Variants in ROBO2 observed in about 807,000 individuals in gnomAD.
ROBO2 encodes roundabout homolog 2.
A neutral mutation model predicts 160.8 loss-of-function variants in ROBO2; 53 were observed. The observed-to-expected ratio is 0.33, with a 90% CI of 0.26 to 0.41. ROBO2 has a LOEUF of 0.41. Among genes scored for constraint, ROBO2 ranks in the 10% least tolerant of loss-of-function variants. The pLI is 1.00. For missense variants in ROBO2, 1,577 were observed against 1,722.4 expected, an observed-to-expected ratio of 0.92 and a Z score of 1.49; for synonymous variants, 664 against 611.7, an observed-to-expected ratio of 1.09 and a Z score of -1.26.
intron 2 of ROBO2, among the ~76,000 whole-genome samples, chr3:76,805,978 T>C (rs993377335): frequency 6.6e-5 from 10 of 151,934 alleles, no homozygotes; most frequent in African/African-American, 2.4e-4. Context: ...CTTCTTCCTC[T>C]AGCTGTCTGT....
At chr3:76,841,193 T>C (rs961056183) in intron 2 of ROBO2, among the ~76,000 whole-genome samples, 5 of 152,172 alleles carry the variant, frequency 3.3e-5, no homozygotes, top group Non-Finnish European at 7.4e-5. Context: ...AGAACCCAGA[T>C]AGAAACAACT....
intron 2 of ROBO2, among the ~76,000 whole-genome samples, chr3:77,281,613 C>T (rs2060244779): frequency 6.6e-6 from 1 of 152,136 alleles, no homozygotes; most frequent in East Asian, 1.9e-4. Flanking sequence ...ATGCTCAAGT[C>T]TCTGATATAA....
intron 2 of ROBO2, among the ~76,000 whole-genome samples, chr3:76,221,684 A>G (rs1703977559): frequency 6.6e-6 from 1 of 152,184 alleles, no homozygotes. Flanking sequence ...ATTTTTATCA[A>G]GTTAGCTGCT....
intron 2 of ROBO2, among the ~76,000 whole-genome samples, chr3:76,837,015 A>G (rs1285695152): frequency 8.2e-6 from 1 of 121,360 alleles, no homozygotes; most frequent in African/African-American, 2.8e-5. Context: ...GAAATTGCAT[A>G]TTATATTATA....
chr3:76,901,893 T>G (rs1458442552), intron 2 of ROBO2, among the ~76,000 whole-genome samples: 1 of 152,028 alleles, frequency 6.6e-6, no homozygotes, highest in Non-Finnish European at 1.5e-5. Flanking sequence ...TTTTTCTTCC[T>G]GCTCCTTCCT....
At chr3:76,932,151 A>G (rs2077388117) in intron 2 of ROBO2, among the ~76,000 whole-genome samples, 5 of 152,214 alleles carry the variant, frequency 3.3e-5, no homozygotes, top group Admixed American at 3.3e-4. Context: ...AAAAAATAAG[A>G]ATTCTAGTAG....
intron 5 of ROBO2, among the ~76,000 whole-genome samples, chr3:77,497,591 A>T (rs1309188509): frequency 1.3e-5 from 2 of 152,240 alleles, no homozygotes; most frequent in South Asian, 4.1e-4. Context: ...GTAAAGAAGT[A>T]AATTGGAACA....
intron 2 of ROBO2, among the ~76,000 whole-genome samples, chr3:77,374,578 A>G (rs558691521): frequency 6.6e-6 from 1 of 152,200 alleles, no homozygotes; most frequent in Non-Finnish European, 1.5e-5. Flanking sequence ...ATTTAGGAAT[A>G]TGCTTCCTTA....
chr3:76,854,018 TTCTCTCTCTCTCTCTCTCTCTC>T (rs573633101), intron 2 of ROBO2, among the ~76,000 whole-genome samples: 24 of 117,266 alleles, frequency 2.0e-4, no homozygotes, highest in Middle Eastern at 5.4e-3. Context: ...AGCATAGACT[TTCTCTCTCTCTCTCTCTCTCTC>T]TCTCTCTCTC....
At chr3:76,830,981 C>T (rs924603020) in intron 2 of ROBO2, among the ~76,000 whole-genome samples, 4 of 152,012 alleles carry the variant, frequency 2.6e-5, no homozygotes, top group African/African-American at 9.7e-5. Flanking sequence ...CAGTGAGACC[C>T]TGTTGTTCAA....
intron 2 of ROBO2, among the ~76,000 whole-genome samples, chr3:76,301,067 T>C (rs1709331414): frequency 6.6e-6 from 1 of 152,098 alleles, no homozygotes; most frequent in Non-Finnish European, 1.5e-5. Flanking sequence ...GAAGAAAGTC[T>C]TGTGTTTAAT....
exon 22 of ROBO2, chr3:77,617,721 C>A (rs1178418726): frequency 1.9e-5 from 30 of 1,613,822 alleles, no homozygotes; most frequent in Non-Finnish European, 2.5e-5. Flanking sequence ...GCTGCAGGCT[C>A]ACCTGGATGA....
chr3:76,854,039 T>TCC (rs1452136566), intron 2 of ROBO2, among the ~76,000 whole-genome samples: 3 of 88,248 alleles, frequency 3.4e-5, no homozygotes, highest in African/African-American at 1.2e-4. Flanking sequence ...TCTCTCTCTC[T>TCC]CTCTCTCTCT....
intron 2 of ROBO2, among the ~76,000 whole-genome samples, chr3:76,005,867 A>G (rs2066007743): frequency 6.6e-6 from 1 of 152,222 alleles, no homozygotes; most frequent in Admixed American, 6.5e-5. Flanking sequence ...CACAACCAAA[A>G]ATAAGAAAGT....
chr3:77,055,671 G>T (rs927046530), intron 1 of ROBO2, among the ~76,000 whole-genome samples: 1 of 152,122 alleles, frequency 6.6e-6, no homozygotes, highest in Non-Finnish European at 1.5e-5. Flanking sequence ...ATTATAACTT[G>T]TGTGAAATAA....
At chr3:77,494,124 T>G (rs1388764639) in intron 5 of ROBO2, among the ~76,000 whole-genome samples, 1 of 152,212 alleles carries the variant, frequency 6.6e-6, no homozygotes, top group Non-Finnish European at 1.5e-5. Context: ...TTCAAGTGTT[T>G]TTTGTTGTTG....
intron 2 of ROBO2, among the ~76,000 whole-genome samples, chr3:76,049,275 A>G (rs890260911): frequency 1.3e-5 from 2 of 151,342 alleles, no homozygotes; most frequent in African/African-American, 4.9e-5. Context: ...TGGTGTGACC[A>G]CAGCTCACTG....
chr3:76,430,703 T>C (rs778808658), intron 2 of ROBO2, among the ~76,000 whole-genome samples: 7 of 151,904 alleles, frequency 4.6e-5, no homozygotes, highest in Non-Finnish European at 4.4e-5. Context: ...AAAATCTCTG[T>C]AAAAACAGTA....
intron 2 of ROBO2, among the ~76,000 whole-genome samples, chr3:77,212,052 C>G (rs1407415362): frequency 6.6e-6 from 1 of 152,024 alleles, no homozygotes; most frequent in South Asian, 2.1e-4. Context: ...TGACTTGGCA[C>G]TGCAGGCTCT....
Sources: allele counts gnomAD v4.1 joint callset (sites outside exome capture counted in the v4.1 genomes callset), GRCh38; gene constraint gnomAD v4.1.1; transcripts MANE v1.5; gene names NCBI Gene and HGNC (gene_info 2026-07-23, HGNC 2026-07-21).